Variants in TBC1D31 observed in about 807,000 individuals in gnomAD.
The protein encoded by TBC1D31 is TBC1 domain family member 31, also known as WD repeat domain 67.
TBC1D31 carries 99 observed loss-of-function variants against 132.9 expected under a neutral mutation model. The observed-to-expected ratio is 0.74, with a 90% CI of 0.63 to 0.88. The LOEUF (loss-of-function observed/expected upper bound fraction) is 0.88, where lower values mean the gene tolerates loss of function less well. Ranked by LOEUF, TBC1D31 falls within the 40% of genes least tolerant of loss-of-function variation. The pLI is 0.00. For synonymous variants in TBC1D31, 385 were observed against 419.4 expected (o/e 0.92, Z 1.00); for missense variants, 1,134 against 1,256.6 (o/e 0.90, Z 1.48).
chr8:123,095,710 T>C (rs1443515238), intron 5 of TBC1D31, among the ~76,000 whole-genome samples: 1 of 152,216 alleles, frequency 6.6e-6, no homozygotes, highest in Non-Finnish European at 1.5e-5. Flanking sequence ...GCTTTCATGC[T>C]TTCTGGTATG....
chr8:123,159,918 G>A, the TBC1D31 span, among the ~76,000 whole-genome samples: 3 of 152,152 alleles, frequency 2.0e-5, no homozygotes, highest in South Asian at 2.1e-4. Flanking sequence ...CAGTTTTAGC[G>A]TCACAGAAAA....
At chr8:123,130,125 G>A (rs1380928306) in intron 15 of TBC1D31, 73 bp from the exon 16 acceptor site, 1 of 1,454,866 alleles carries the variant, frequency 6.9e-7, no homozygotes, top group Non-Finnish European at 9.4e-7. Flanking sequence ...CAGCATGGCA[G>A]ACCTGTTATG....
At chr8:123,144,995 C>T in intron 20 of TBC1D31, 140 bp downstream of exon 20, 1 of 755,456 alleles carries the variant, frequency 1.3e-6, no homozygotes, top group East Asian at 2.8e-5. Context: ...GCAATCATGG[C>T]TCAGTGCAGC....
At chr8:123,087,600 G>C (rs1726887954) in intron 4 of TBC1D31, among the ~76,000 whole-genome samples, 3 of 152,162 alleles carry the variant, frequency 2.0e-5, no homozygotes, top group Non-Finnish European at 4.4e-5. Flanking sequence ...CCAAAGAAGA[G>C]AACATTGGGA....
chr8:123,073,866 A>G (rs1409237620), intron 1 of TBC1D31, among the ~76,000 whole-genome samples: 2 of 150,168 alleles, frequency 1.3e-5, no homozygotes, highest in Non-Finnish European at 3.0e-5. Flanking sequence ...TTGTATTTTT[A>G]GTAGAGACGG....
intron 20 of TBC1D31, among the ~76,000 whole-genome samples, chr8:123,147,901 G>A (rs1419821280): frequency 6.6e-6 from 1 of 152,048 alleles, no homozygotes; most frequent in African/African-American, 2.4e-5. Context: ...GCCAAGGTGG[G>A]CAGATCACAA....
chr8:123,153,884 A>G (rs1822924310), downstream of TBC1D31, among the ~76,000 whole-genome samples: 1 of 152,214 alleles, frequency 6.6e-6, no homozygotes, highest in African/African-American at 2.4e-5. Context: ...TGAATTCTGC[A>G]ATGTTGGCTA....
At chr8:123,111,094 T>C (rs898124188) in intron 10 of TBC1D31, among the ~76,000 whole-genome samples, 240 of 152,262 alleles carry the variant, frequency 1.6e-3, no homozygotes, top group African/African-American at 5.2e-3. Flanking sequence ...AGTCAAGGTT[T>C]TTTTTTTCCC....
intron 10 of TBC1D31, among the ~76,000 whole-genome samples, chr8:123,116,172 T>C (rs1198690427): frequency 2.6e-5 from 4 of 152,130 alleles, no homozygotes; most frequent in African/African-American, 9.7e-5. Context: ...AAAGATGTCA[T>C]TTCAAAGTAA....
chr8:123,154,264 T>G (rs2131006246), downstream of TBC1D31, among the ~76,000 whole-genome samples: 1 of 152,318 alleles, frequency 6.6e-6, no homozygotes, highest in South Asian at 2.1e-4. Flanking sequence ...AAGGAAAGTT[T>G]AATGTAAAGA....
intron 13 of TBC1D31, among the ~76,000 whole-genome samples, chr8:123,127,396 G>A (rs376092224): frequency 6.9e-6 from 1 of 145,942 alleles, no homozygotes; most frequent in Non-Finnish European, 1.5e-5. Context: ...TCAGCCTCCC[G>A]AGTAGCTGGG....
intron 6 of TBC1D31, among the ~76,000 whole-genome samples, chr8:123,098,629 A>C (rs1817064627): frequency 6.6e-6 from 1 of 152,246 alleles, no homozygotes; most frequent in Non-Finnish European, 1.5e-5. Flanking sequence ...ATATCAGTGC[A>C]GAACTTCTTT....
chr8:123,077,705 A>G (rs1814687352), intron 2 of TBC1D31, among the ~76,000 whole-genome samples: 1 of 152,014 alleles, frequency 6.6e-6, no homozygotes, highest in Admixed American at 6.6e-5. Context: ...GAAATAACAC[A>G]GTTTTCTTTG....
At chr8:123,155,082 T>C (rs1446362882), downstream of TBC1D31, among the ~76,000 whole-genome samples, 2 of 152,196 alleles carry the variant, frequency 1.3e-5, no homozygotes, top group African/African-American at 4.8e-5. The surrounding 1 kb of genome is among the most constrained non-coding windows in gnomAD (Gnocchi z 4.1). Context: ...GAATGTGGAC[T>C]CAATGTTGGC....
chr8:123,072,790 C>A lies in TBC1D31; in HGVS notation c.21C>A (p.Gly7=). MQSTDL[G]NKESGKIWHR... is the part of the protein sequence containing the mutation. ...TCGCCATGCAGAGCACTGACCTAGG[C>A]AACAAGGAGAGCGGCAAGATATGGC... is the stretch of plus-strand genomic sequence containing the variant. The change falls in exon 1 of 22, where the codon GGC becomes GGA. Residue 7 remains glycine (G), a synonymous_variant. Transcript: ENST00000287380. 1 of 1,571,716 alleles carries A rather than the reference C, an allele frequency of 6.4e-7. No homozygotes were observed. Among genetic ancestry groups the A allele is most frequent in the African/African-American group, 1.4e-5 (1 of 74,008 alleles).
Position 123,077,130 on chromosome 8 carries a change from C to T in TBC1D31, c.97C>T (p.His33Tyr). The T allele has an allele frequency of 6.2e-7, 1 of 1,609,250 alleles. No individual in the cohort carries two copies. The highest frequency in any genetic ancestry group is 1.1e-5 in the South Asian group (1 of 90,098). Residue 33 changes from histidine (H) to tyrosine (Y), a missense_variant, in exon 2 of 22, where the codon CAC becomes TAC. Physicochemically the swap from His to Tyr is moderately conservative, Grantham distance 83 (BLOSUM62 2). Coordinates refer to ENST00000287380, the MANE Select transcript of TBC1D31 (RefSeq NM_145647.4). ...TGACAGAATTATAGTGAACATTATT[C>T]ACAACACTTCCGATTACCATCCAAA... ...TRDGIIVNII[H>Y]NTSDYHPKVL... is the part of the protein sequence containing the mutation.
At chr8:123,120,920 G>A (rs1049217683) in intron 11 of TBC1D31, among the ~76,000 whole-genome samples, 12 of 147,728 alleles carry the variant, frequency 8.1e-5, no homozygotes, top group Non-Finnish European at 1.3e-4. Flanking sequence ...GCATGTACTA[G>A]TTTAATCTTC....
Position 123,105,313 on chromosome 8 carries a change from T to C in TBC1D31, c.1058T>C (p.Ile353Thr), listed in dbSNP as rs1817821985. ...NKPPPPLVKV[I>T]EDLPKNKLSS... Reference sequence around the variant, plus strand: ...CCACCTCCGCCTTTAGTGAAAGTTATTGAAGATTTGCCCAAGAATAAACTG... The same window carrying C: ...CCACCTCCGCCTTTAGTGAAAGTTACTGAAGATTTGCCCAAGAATAAACTG... Residue 353 changes from isoleucine (I) to threonine (T), a missense_variant, in exon 8 of 22, where the codon ATT (isoleucine) becomes ACT (threonine). Ile to Thr is a moderately conservative substitution (Grantham distance 89). Coordinates refer to ENST00000287380, the MANE Select transcript of TBC1D31 (RefSeq NM_145647.4). 2 of 1,580,762 alleles carry C rather than the reference T, an allele frequency of 1.3e-6. No homozygotes were observed. Among genetic ancestry groups the C allele is most frequent in the East Asian group, 2.3e-5 (1 of 43,516 alleles).
intron 4 of TBC1D31, among the ~76,000 whole-genome samples, chr8:123,084,757 TG>T (rs1356426810): frequency 6.6e-6 from 1 of 151,086 alleles, no homozygotes; most frequent in Non-Finnish European, 1.5e-5. Flanking sequence ...TACTCTCTTA[TG>T]GGTCTATCCA....
Sources: gnomAD v4.1 joint callset for allele counts (sites outside exome capture counted in the v4.1 genomes callset) on GRCh38, gnomAD v4.1.1 for gene constraint, Gnocchi (gnomAD v3.1) non-coding constraint, MANE v1.5 for transcripts, NCBI Gene and HGNC (gene_info 2026-07-23, HGNC 2026-07-21) for gene names.